FUBP3: variants seen among roughly 807,000 people sequenced by gnomAD.
The protein encoded by FUBP3 is far upstream element binding protein 3, also known as far upstream element-binding protein 3.
In FUBP3, 28 loss-of-function variants were observed where a neutral mutation model predicts 85.6. That is an observed-to-expected ratio of 0.33 (90% CI 0.24 to 0.45). FUBP3 has a LOEUF of 0.45. Ranked by LOEUF, FUBP3 falls within the 20% of genes least tolerant of loss-of-function variation. The pLI is 1.00. For synonymous variants in FUBP3, 271 were observed against 271.4 expected (o/e 1.00, Z 0.01); for missense variants, 583 against 755.1 (o/e 0.77, Z 2.67).
At position 130,616,581 on chromosome 9, in the gene FUBP3, A is replaced by C; in HGVS notation, c.567+64A>C. 2.0e-6 allele frequency: 3 copies of C among 1,490,592 alleles called. No homozygotes were observed. Among genetic ancestry groups the C allele is most frequent in the Non-Finnish European group, 2.8e-6 (3 of 1,071,958 alleles). The allele number at this position is 1,490,592 out of a possible 1,614,324, so 92.3% of individuals were successfully genotyped here. A position where few individuals can be genotyped will look rare whatever the true frequency, so the allele number is the denominator to read the frequency against. ...CAGCAGGTCTTCAGCTTCCTGGCCC[A>C]GGAGATCTGCTTACGGCTGGCATTC... On this transcript the variant is annotated intron_variant, in intron 7 of 18. Coordinates refer to ENST00000319725, the MANE Select transcript of FUBP3 (RefSeq NM_003934.2). This position sits in a 1 kb window ranked among gnomAD's most constrained non-coding sequence, Gnocchi z 4.7.
chr9:130,604,974 GAC>G (rs1207070776), intron 2 of FUBP3, among the ~76,000 whole-genome samples: 2 of 150,878 alleles, frequency 1.3e-5, no homozygotes, highest in Non-Finnish European at 3.0e-5. Context: ...AGTTAGTACA[GAC>G]ATATTAAAAC....
In FUBP3 at chr9:130,631,594, G is replaced by A; in HGVS notation, c.1316G>A (p.Ser439Asn). ...GGAGCACCTGGAGCCTTCGGACAGAGTCCATTCAGCCAGCCACCTGCCCCA... is the reference window on the plus strand; with the variant it reads ...GGAGCACCTGGAGCCTTCGGACAGAATCCATTCAGCCAGCCACCTGCCCCA... ...NLGAPGAFGQ[S>N]PFSQPPAPPH... Residue 439 changes from serine (S) to asparagine (N), a missense_variant, in exon 14 of 19, where the codon AGT becomes AAT. This residue lies in a region of FUBP3 where 404 missense variants were observed against 516.8 expected (regional missense o/e 0.78). Coordinates refer to ENST00000319725, the MANE Select transcript of FUBP3 (RefSeq NM_003934.2). The A allele has an allele frequency of 6.2e-7, 1 of 1,614,104 alleles. No homozygotes were observed. Among genetic ancestry groups the A allele is most frequent in the Non-Finnish European group, 8.5e-7 (1 of 1,179,944 alleles).
intron 2 of FUBP3, chr9:130,596,677 C>T (rs1219547965): frequency 6.6e-6 from 3 of 453,828 alleles, no homozygotes; most frequent in East Asian, 7.6e-5. Flanking sequence ...TTTTTAAATC[C>T]TCCAGTTCAT....
In FUBP3 at chr9:130,631,773, G is replaced by C. The variant is rs959729335; in HGVS notation, c.1352+143G>C. 3.6e-6 allele frequency: 3 copies of C among 829,146 alleles called. No homozygotes were observed. The African/African-American group carries it at 5.0e-5, about 14-fold the overall frequency. The allele number at this position is 829,146 out of a possible 1,614,324, so 51.4% of individuals were successfully genotyped here. On this transcript the variant is annotated intron_variant, in intron 14 of 18. Transcript: ENST00000319725. ...GGACTCGTTTCTTTTCCTCTCACCAGCGGTCCCTCCGGCCTATCACTCACT... is the reference window on the plus strand; with the variant it reads ...GGACTCGTTTCTTTTCCTCTCACCACCGGTCCCTCCGGCCTATCACTCACT...
chr9:130,635,511 G>A lies in FUBP3; in HGVS notation c.1583-488G>A, dbSNP rs1243620368. Reference sequence around the variant, plus strand: ...AGGTTCATGGCCCTTCTAGGGGTTGGAGGTGGGGGTGTTGAGTCATGGTCA... The same window carrying A: ...AGGTTCATGGCCCTTCTAGGGGTTGAAGGTGGGGGTGTTGAGTCATGGTCA... On this transcript the variant is annotated intron_variant, in intron 17 of 18. Coordinates refer to ENST00000319725, the MANE Select transcript of FUBP3 (RefSeq NM_003934.2). This position sits in a 1 kb window ranked among gnomAD's most constrained non-coding sequence, Gnocchi z 4.3. 2.0e-5 allele frequency among the ~76,000 whole-genome samples: 3 copies of A among 152,162 alleles called. No individual in the cohort carries two copies. Among genetic ancestry groups the A allele is most frequent in the Non-Finnish European group, 4.4e-5 (3 of 68,030 alleles).
In FUBP3 at chr9:130,626,423, C is replaced by G. The variant is rs370351004; in HGVS notation, c.1035C>G (p.Asp345Glu). Residue 345 changes from aspartate to glutamate, a missense_variant, in exon 12 of 19, where the codon GAC becomes GAG. Physicochemically the swap from Asp to Glu is conservative, Grantham distance 45. Around this residue, in one of 3 missense-constraint regions of FUBP3, gnomAD observed 404 missense variants for 516.8 expected, o/e 0.78. Coordinates refer to ENST00000319725, the MANE Select transcript of FUBP3 (RefSeq NM_003934.2). ...GAGGAAGAGGTCGTGGCCGTGGCGA[C>G]TGGAGCGTGGGAGCCCCTGGTGGCG... ...AARGRGRGRG[D>E]WSVGAPGGVQ... 45 of 1,614,132 alleles carry G rather than the reference C, an allele frequency of 2.8e-5. No homozygotes were observed. The African/African-American group carries it at 5.9e-4, about 21-fold the overall frequency.
Position 130,634,673 on chromosome 9 carries a change from A to G in FUBP3, c.1517A>G (p.Gln506Arg). The change falls in exon 17 of 19, where the codon CAG becomes CGG. Residue 506 changes from glutamine (Q) to arginine (R), a missense_variant. Coordinates refer to ENST00000319725, the MANE Select transcript of FUBP3 (RefSeq NM_003934.2). ...QQPTQQVPSQ[Q>R]SQPQSSQPNY... ...TTTTGTGTTCTTCGCACAGGCCAGC[A>G]GAGCCAGCCGCAGAGCAGCCAGCCC... 3 of 1,613,548 alleles carry G rather than the reference A, an allele frequency of 1.9e-6. No homozygotes were observed. In the East Asian group the frequency reaches 6.7e-5, roughly 36 times the overall value.
At chr9:130,595,183 G>C (rs1435294862) in intron 1 of FUBP3, among the ~76,000 whole-genome samples, 1 of 142,260 alleles carries the variant, frequency 7.0e-6, no homozygotes. Context: ...CCAAGATCAT[G>C]CCATTGCACT....
chr9:130,611,514 T>TA (rs1405428020), intron 3 of FUBP3, among the ~76,000 whole-genome samples: 1 of 152,208 alleles, frequency 6.6e-6, no homozygotes, highest in Non-Finnish European at 1.5e-5. Context: ...ATCAAAATGA[T>TA]ACAGTGGCAA....
intron 10 of FUBP3, among the ~76,000 whole-genome samples, chr9:130,623,083 G>T (rs1829825013): frequency 6.6e-6 from 1 of 151,844 alleles, no homozygotes; most frequent in African/African-American, 2.4e-5. Flanking sequence ...TGTCATAAAT[G>T]CATAGTATGT....
chr9:130,631,423 T>C, intron 13 of FUBP3, 134 bp from the exon 14 acceptor site: 1 of 1,245,080 alleles, frequency 8.0e-7, no homozygotes, highest in Non-Finnish European at 1.1e-6. Context: ...GGAAGGCTAG[T>C]GTGAGTGCGT....
intron 14 of FUBP3, 59 bp from the exon 15 acceptor site, chr9:130,631,883 A>AGGGG: frequency 7.9e-7 from 1 of 1,263,156 alleles, no homozygotes; most frequent in African/African-American, 1.5e-5. Context: ...GGCTGCGGGG[A>AGGGG]GGGGACGAGC....
chr9:130,634,601 T>C (rs1245948022), intron 16 of FUBP3, 66 bp from the exon 17 acceptor site: 52 of 1,321,662 alleles, frequency 3.9e-5, no homozygotes, highest in Non-Finnish European at 5.6e-5. Flanking sequence ...GGCCTGCAGC[T>C]GGCGGGCTGG....
At chr9:130,615,312 A>G (rs916029278) in intron 6 of FUBP3, among the ~76,000 whole-genome samples, 2 of 152,208 alleles carry the variant, frequency 1.3e-5, no homozygotes, top group African/African-American at 4.8e-5. Context: ...AAGGCTCAAG[A>G]CTACAAAAGG....
intron 2 of FUBP3, among the ~76,000 whole-genome samples, chr9:130,602,929 C>T (rs538348228): frequency 2.0e-5 from 3 of 152,234 alleles, no homozygotes; most frequent in East Asian, 1.9e-4. Context: ...CCCCTTCTCC[C>T]GTTCCCCACT....
At position 130,579,619 on chromosome 9, in the gene FUBP3, C is replaced by T. The variant is rs933380947; in HGVS notation, c.-62C>T. 6.6e-6 allele frequency: 7 copies of T among 1,053,244 alleles called. No homozygotes were observed. The highest frequency in any genetic ancestry group is 1.7e-5 in the African/African-American group (1 of 60,498). The allele number at this position is 1,053,244 out of a possible 1,614,324, so 65.2% of individuals were successfully genotyped here. On this transcript the variant is annotated 5_prime_UTR_variant, in exon 1 of 19. Transcript: ENST00000319725. ...CCCCAAGCGGAGCGGGAGGCCGGAC[C>T]GGGGAGCCGAGCGGCGGCGTCGGCG... is the stretch of plus-strand genomic sequence containing the variant.
At chr9:130,589,706 T>TATATATATATATATATATATA (rs71499252) in intron 1 of FUBP3, among the ~76,000 whole-genome samples, 1 of 40,098 alleles carries the variant, frequency 2.5e-5, no homozygotes, top group Non-Finnish European at 4.4e-5. Flanking sequence ...TATATATATA[T>TATATATATATATATATATATA]TTTTTTTTTT....
rs751588494 is a variant in FUBP3, at chr9:130,634,648, T to A, written c.1511-19T>A. 1.3e-5 allele frequency: 21 copies of A among 1,610,532 alleles called. 1 individual carries two copies. In the South Asian group the frequency reaches 2.3e-4, roughly 18 times the overall value. ...TGAGGAGCCCGTAAGGCCTGACTGCTTTTGTGTTCTTCGCACAGGCCAGCA... is the reference window on the plus strand; with the variant it reads ...TGAGGAGCCCGTAAGGCCTGACTGCATTTGTGTTCTTCGCACAGGCCAGCA... On this transcript the variant is annotated intron_variant, in intron 16 of 18. Transcript: ENST00000319725.
At position 130,617,874 on chromosome 9, in the gene FUBP3, T is replaced by G; in HGVS notation, c.645T>G (p.Thr215=). The change falls in exon 8 of 19, where the codon ACT becomes ACG. Residue 215 remains threonine, a synonymous_variant. Coordinates refer to ENST00000319725, the MANE Select transcript of FUBP3 (RefSeq NM_003934.2). ...GAGCAGACAAGCCTCTTCGTATCACTGGAGATGCATTTAAAGTACAGGTAG... is the reference window on the plus strand; with the variant it reads ...GAGCAGACAAGCCTCTTCGTATCACGGGAGATGCATTTAAAGTACAGGTAG... ...PTGADKPLRI[T]GDAFKVQQAR... 1.3e-6 allele frequency: 2 copies of G among 1,590,496 alleles called. No homozygotes were observed. Among genetic ancestry groups the G allele is most frequent in the Middle Eastern group, 1.7e-4 (1 of 6,006 alleles).
Sources: gnomAD v4.1 joint callset for allele counts (sites outside exome capture counted in the v4.1 genomes callset) on GRCh38, gnomAD v4.1.1 for gene constraint, gnomAD v4.1.1 regional missense constraint, Gnocchi (gnomAD v3.1) non-coding constraint, MANE v1.5 for transcripts, NCBI Gene and HGNC (gene_info 2026-07-23, HGNC 2026-07-21) for gene names.